Variants in CAMKMT observed in about 807,000 individuals in gnomAD.
CAMKMT encodes the protein CaM KMT.
CAMKMT carries 53 observed loss-of-function variants against 48.0 expected under a neutral mutation model. The observed-to-expected ratio is 1.10, with a 90% confidence interval of 0.89 to 1.39. The LOEUF (loss-of-function observed/expected upper bound fraction) is 1.39, where lower values mean the gene tolerates loss of function less well. CAMKMT is among the 40% of genes most tolerant of loss of function. CAMKMT has a pLI of 0.00. For synonymous variants in CAMKMT, 165 were observed against 152.3 expected (o/e 1.08, Z -0.61); for missense variants, 428 against 402.7 (o/e 1.06, Z -0.54).
chr2:44,469,822 T>G (rs78833352), intron 3 of CAMKMT, among the ~76,000 whole-genome samples: 2,743 of 152,162 alleles, frequency 0.018, 93 homozygotes, highest in African/African-American at 0.063. Flanking sequence ...GTATTATCAG[T>G]TACGTTTGTT....
At chr2:44,652,919 C>A (rs1177585254) in intron 3 of CAMKMT, among the ~76,000 whole-genome samples, 4 of 152,218 alleles carry the variant, frequency 2.6e-5, no homozygotes, top group Non-Finnish European at 5.9e-5. Context: ...ATATGCTTCT[C>A]CTCCTTTGCC....
intron 3 of CAMKMT, among the ~76,000 whole-genome samples, chr2:44,672,039 C>T (rs1021818805): frequency 3.9e-5 from 6 of 152,138 alleles, no homozygotes; most frequent in Non-Finnish European, 8.8e-5. Flanking sequence ...TAAAACTTGA[C>T]CTGCCCCGAC....
At chr2:44,635,569 C>G (rs1393828636) in intron 3 of CAMKMT, among the ~76,000 whole-genome samples, 24 of 152,178 alleles carry the variant, frequency 1.6e-4, no homozygotes, top group Non-Finnish European at 1.5e-5. Context: ...ACTTTGTAAA[C>G]TAGCAGGAAA....
Position 44,577,405 on chromosome 2 carries a change from G to C in CAMKMT, c.377-126878G>C, listed in dbSNP as rs527821935. On this transcript the variant is annotated intron_variant, in intron 3 of 10. Transcript: ENST00000378494. ...AGGCCAAGGCAGGAAGATCGTTTAA[G>C]TTTAGGCATTAGAGACCAGCCTAGG... 2.6e-5 allele frequency among the ~76,000 whole-genome samples: 4 copies of C among 152,262 alleles called. No individual in the cohort carries two copies. In the South Asian group the frequency reaches 8.3e-4, roughly 32 times the overall value.
chr2:44,510,880 G>A (rs560322721), intron 3 of CAMKMT, among the ~76,000 whole-genome samples: 2 of 151,550 alleles, frequency 1.3e-5, no homozygotes, highest in African/African-American at 4.9e-5. Context: ...TTGCTGTGTT[G>A]CCCAGGCTGG....
At chr2:44,517,810 A>T (rs1182652808) in intron 3 of CAMKMT, among the ~76,000 whole-genome samples, 1 of 152,216 alleles carries the variant, frequency 6.6e-6, no homozygotes, top group Non-Finnish European at 1.5e-5. Flanking sequence ...TATCACACCT[A>T]TTACTGAGTT....
intron 3 of CAMKMT, among the ~76,000 whole-genome samples, chr2:44,624,942 A>G (rs1672396664): frequency 6.6e-6 from 1 of 152,212 alleles, no homozygotes; most frequent in Non-Finnish European, 1.5e-5. Context: ...AGTCCCACCA[A>G]CAGTGTAAAA....
At position 44,772,356 on chromosome 2, in the gene CAMKMT, A is replaced by ATGTGTATAAGCT; in HGVS notation, c.*244_*255dup. ...GCCCTAAACCTTTGTTTGTCTTTAA[A>ATGTGTATAAGCT]TGTGTATAAGCTGCCTGTCTGTGAC... is the stretch of plus-strand genomic sequence containing the variant. On this transcript the variant is annotated 3_prime_UTR_variant, in exon 11 of 11. Coordinates refer to ENST00000378494, the MANE Select transcript of CAMKMT (RefSeq NM_024766.5). The ATGTGTATAAGCT allele has an allele frequency of 5.1e-6, 2 of 391,610 alleles. No individual in the cohort carries two copies. The highest frequency in any genetic ancestry group is 4.3e-5 in the Admixed American group (1 of 23,072). The allele number at this position is 391,610 out of a possible 1,614,324, so 24.3% of individuals were successfully genotyped here.
At chr2:44,464,996 T>C (rs909006720) in intron 3 of CAMKMT, among the ~76,000 whole-genome samples, 2 of 152,148 alleles carry the variant, frequency 1.3e-5, no homozygotes, top group African/African-American at 4.8e-5. Flanking sequence ...CAATTTAAAA[T>C]TGGATATTTA....
chr2:44,768,361 A>ATATATATATATATAT (rs35058824), intron 10 of CAMKMT, among the ~76,000 whole-genome samples: 37 of 115,720 alleles, frequency 3.2e-4, no homozygotes, highest in African/African-American at 4.8e-4. Context: ...ATATATATAT[A>ATATATATATATATAT]TTTTTTTTTT....
intron 7 of CAMKMT, among the ~76,000 whole-genome samples, chr2:44,718,478 C>T (rs1028721369): frequency 6.6e-6 from 1 of 152,166 alleles, no homozygotes; most frequent in Non-Finnish European, 1.5e-5. Context: ...TATAAATATG[C>T]AGTTATCAAA....
chr2:44,565,973 C>T (rs1390192763), intron 3 of CAMKMT, among the ~76,000 whole-genome samples: 1 of 152,134 alleles, frequency 6.6e-6, no homozygotes, highest in Non-Finnish European at 1.5e-5. Context: ...TGCATGTGTA[C>T]GTGGCTTGTA....
At chr2:44,633,136 C>T (rs922526992) in intron 3 of CAMKMT, among the ~76,000 whole-genome samples, 10 of 151,996 alleles carry the variant, frequency 6.6e-5, no homozygotes, top group African/African-American at 1.9e-4. Flanking sequence ...TTATTTCTGA[C>T]GAGAAGTCAA....
intron 3 of CAMKMT, among the ~76,000 whole-genome samples, chr2:44,443,887 A>G (rs1334825938): frequency 6.6e-6 from 1 of 152,224 alleles, no homozygotes; most frequent in Non-Finnish European, 1.5e-5. Flanking sequence ...TTAAAGTCTA[A>G]TGGCACAGAA....
intron 3 of CAMKMT, among the ~76,000 whole-genome samples, chr2:44,636,033 G>T (rs1237584668): frequency 6.6e-6 from 1 of 152,172 alleles, no homozygotes; most frequent in Non-Finnish European, 1.5e-5. Flanking sequence ...CAAAACCAAA[G>T]AAGTTGATTT....
At chr2:44,619,714 C>G (rs903380798) in intron 3 of CAMKMT, among the ~76,000 whole-genome samples, 1 of 152,136 alleles carries the variant, frequency 6.6e-6, no homozygotes, top group South Asian at 2.1e-4. Context: ...ACAGTGGTTA[C>G]GTCCTTTTTG....
At chr2:44,568,545 A>G (rs560091911) in intron 3 of CAMKMT, among the ~76,000 whole-genome samples, 2 of 152,248 alleles carry the variant, frequency 1.3e-5, no homozygotes, top group South Asian at 2.1e-4. Flanking sequence ...GCTGGACTGG[A>G]TATGTCACAT....
At chr2:44,420,564 A>C (rs1683865765) in intron 3 of CAMKMT, among the ~76,000 whole-genome samples, 1 of 151,762 alleles carries the variant, frequency 6.6e-6, no homozygotes, top group African/African-American at 2.4e-5. Flanking sequence ...TCAAGAGTCA[A>C]CTATATATAT....
At chr2:44,422,834 G>C (rs1684021269) in intron 3 of CAMKMT, among the ~76,000 whole-genome samples, 1 of 152,040 alleles carries the variant, frequency 6.6e-6, no homozygotes, top group Non-Finnish European at 1.5e-5. Flanking sequence ...GCTTCTCTAA[G>C]AGGTGAGCTG....
Sources: allele counts gnomAD v4.1 joint callset (sites outside exome capture counted in the v4.1 genomes callset), GRCh38; gene constraint gnomAD v4.1.1; transcripts MANE v1.5; gene names NCBI Gene and HGNC (gene_info 2026-07-23, HGNC 2026-07-21).